ERI1: variants seen among roughly 807,000 people sequenced by gnomAD.
ERI1 encodes exoribonuclease 1.
A neutral mutation model predicts 39.7 loss-of-function variants in ERI1; 39 were observed. The observed-to-expected ratio is 0.98, with a 90% CI of 0.76 to 1.28. The LOEUF (loss-of-function observed/expected upper bound fraction) is 1.28. Among genes scored for constraint, ERI1 ranks in the 50% most tolerant of loss-of-function variants. ERI1 has a pLI of 0.00. For missense variants in ERI1, 581 were observed against 416.9 expected (o/e 1.39, Z -3.43); for synonymous variants, 204 against 149.6 (o/e 1.36, Z -2.65).
chr8:9,057,523 A>C (rs1473863618), intron 3 of ERI1, among the ~76,000 whole-genome samples: 1 of 152,198 alleles, frequency 6.6e-6, no homozygotes, highest in Non-Finnish European at 1.5e-5. Flanking sequence ...TGTGGTTTGC[A>C]AAACAAGTGT....
intron 3 of ERI1, among the ~76,000 whole-genome samples, chr8:9,070,314 A>G (rs1474918515): frequency 6.6e-6 from 1 of 152,026 alleles, no homozygotes; most frequent in Non-Finnish European, 1.5e-5. Context: ...AATAACATAT[A>G]TGTCTAAAAA....
At chr8:9,046,007 G>C (rs1424549771) in intron 3 of ERI1, among the ~76,000 whole-genome samples, 1 of 152,110 alleles carries the variant, frequency 6.6e-6, no homozygotes, top group African/African-American at 2.4e-5. Flanking sequence ...TTAATACAGA[G>C]TCCCAGACCC....
At chr8:9,010,680 A>C (rs544711147) in intron 2 of ERI1, among the ~76,000 whole-genome samples, 2 of 152,282 alleles carry the variant, frequency 1.3e-5, no homozygotes, top group Admixed American at 6.5e-5. Flanking sequence ...TTGCAGGCCA[A>C]TATAGGATTC....
chr8:9,024,158 C>G (rs746087981), intron 6 of ERI1, among the ~76,000 whole-genome samples: 2 of 152,120 alleles, frequency 1.3e-5, no homozygotes, highest in Non-Finnish European at 1.5e-5. Context: ...GGTAATTAAA[C>G]TTGGAGCTTA....
At chr8:9,006,019 C>G (rs1471159950) in intron 1 of ERI1, among the ~76,000 whole-genome samples, 4 of 152,080 alleles carry the variant, frequency 2.6e-5, no homozygotes, top group East Asian at 1.9e-4. Context: ...TTATATGGTC[C>G]GTATTATATG....
chr8:9,008,014 C>T lies in ERI1; in HGVS notation c.153C>T (p.Ser51=). The T allele has an allele frequency of 1.9e-6, 3 of 1,549,386 alleles. No homozygotes were observed. Among genetic ancestry groups the T allele is most frequent in the Non-Finnish European group, 2.6e-6 (3 of 1,148,232 alleles). The change falls in exon 2 of 7, where the codon TCC becomes TCT. Residue 51 remains serine, a synonymous_variant. Transcript: ENST00000250263. ...CKFDGQETKG[S]KFITSSASDF... The stretch of plus-strand genomic sequence containing the variant: ...TTGATGGCCAGGAGACAAAAGGATC[C>T]AAGTTCATTACCTCCAGTGCGAGTG...
chr8:9,015,660 T>C (rs1247749918), intron 3 of ERI1, among the ~76,000 whole-genome samples: 1 of 136,150 alleles, frequency 7.3e-6, no homozygotes, highest in Non-Finnish European at 1.5e-5. Context: ...AGGCGGAGCT[T>C]GCAGTGAGCC....
chr8:9,074,724 T>C (rs949598441), intron 3 of ERI1, among the ~76,000 whole-genome samples: 6 of 152,244 alleles, frequency 3.9e-5, no homozygotes, highest in Admixed American at 3.9e-4. Context: ...CGTGAGCCAC[T>C]GCGCCCAGCC....
intron 3 of ERI1, among the ~76,000 whole-genome samples, chr8:9,042,363 A>G (rs780231918): frequency 6.6e-6 from 1 of 152,208 alleles, no homozygotes; most frequent in African/African-American, 2.4e-5. Flanking sequence ...TTTGAGATCC[A>G]ATTTCTTGAG....
chr8:9,029,155 A>G (rs1019177956), intron 6 of ERI1, among the ~76,000 whole-genome samples: 1 of 152,118 alleles, frequency 6.6e-6, no homozygotes, highest in Non-Finnish European at 1.5e-5. Flanking sequence ...AATACCATGT[A>G]AAATAACTAA....
At chr8:9,019,858 C>T (rs1303130771) in intron 5 of ERI1, among the ~76,000 whole-genome samples, 1 of 152,158 alleles carries the variant, frequency 6.6e-6, no homozygotes, top group Non-Finnish European at 1.5e-5. Flanking sequence ...TAGGAACCAA[C>T]ACAATTTCCA....
At chr8:9,038,158 A>G (rs955370937), downstream of ERI1, among the ~76,000 whole-genome samples, 1 of 152,226 alleles carries the variant, frequency 6.6e-6, no homozygotes, top group African/African-American at 2.4e-5. Context: ...ATTTAGTACC[A>G]TCATCTGCAT....
downstream of ERI1, among the ~76,000 whole-genome samples, chr8:9,033,897 T>G (rs914998435): frequency 3.9e-5 from 6 of 152,246 alleles, no homozygotes; most frequent in Non-Finnish European, 7.3e-5. Flanking sequence ...AATGCGATTG[T>G]ACTAAATGTT....
At chr8:9,091,069 A>G (rs1017334931) in intron 3 of ERI1, among the ~76,000 whole-genome samples, 1 of 152,206 alleles carries the variant, frequency 6.6e-6, no homozygotes, top group Admixed American at 6.5e-5. Flanking sequence ...ATATTAACAC[A>G]TATATGTTCC....
chr8:9,029,857 G>A lies in ERI1; in HGVS notation c.873G>A (p.Arg291=). ...AATTAGGAATGGATTATGATGGGCG[G>A]CCTCACTGTGGTCTTGATGACTCTA... ...LEKLGMDYDG[R]PHCGLDDSKN... Residue 291 remains arginine, a synonymous_variant, in exon 7 of 7, where the codon CGG becomes CGA. Coordinates refer to ENST00000250263, the MANE Select transcript of ERI1 (RefSeq NM_153332.4). 6.2e-7 allele frequency: 1 copy of A among 1,614,140 alleles called. No homozygotes were observed. The highest frequency in any genetic ancestry group is 2.2e-5 in the East Asian group (1 of 44,886).
intron 3 of ERI1, among the ~76,000 whole-genome samples, chr8:9,073,395 C>T (rs1799116483): frequency 6.6e-6 from 1 of 151,972 alleles, no homozygotes; most frequent in South Asian, 2.1e-4. Flanking sequence ...GAAGGGTAAG[C>T]GTGAGAGAAG....
chr8:9,092,379 A>G (rs1012591506), intron 3 of ERI1, among the ~76,000 whole-genome samples: 4 of 152,170 alleles, frequency 2.6e-5, no homozygotes, highest in African/African-American at 9.7e-5. Flanking sequence ...TCCCGTCTAC[A>G]CCATTGCACA....
chr8:9,033,114 A>T lies in ERI1; in HGVS notation c.*3080A>T, dbSNP rs1476335325. 3.9e-5 allele frequency: 6 copies of T among 152,164 alleles called. No homozygotes were observed. The highest frequency in any genetic ancestry group is 1.4e-4 in the African/African-American group (6 of 41,412). The allele number at this position is 152,164 out of a possible 1,614,324, so 9.4% of individuals were successfully genotyped here. On this transcript the variant is annotated 3_prime_UTR_variant, in exon 7 of 7. Coordinates refer to ENST00000250263, the MANE Select transcript of ERI1 (RefSeq NM_153332.4). ...TTTGTTCTGCACCACCAACCTGTAT[A>T]TCAAGCCTCCTTGCCCCACAAAGCT...
At chr8:9,045,698 A>G (rs1380746713) in intron 3 of ERI1, among the ~76,000 whole-genome samples, 1 of 142,906 alleles carries the variant, frequency 7.0e-6, no homozygotes, top group Non-Finnish European at 1.5e-5. Flanking sequence ...TTTTTTTGAG[A>G]TGGAGTCTCA....
Sources: gnomAD v4.1 joint callset for allele counts (sites outside exome capture counted in the v4.1 genomes callset) on GRCh38, gnomAD v4.1.1 for gene constraint, MANE v1.5 for transcripts, NCBI Gene and HGNC (gene_info 2026-07-23, HGNC 2026-07-21) for gene names.